Variants in NAALADL2 observed in about 807,000 individuals in gnomAD.
NAALADL2 encodes N-acetylated alpha-linked acidic dipeptidase like 2.
NAALADL2 carries 76 observed loss-of-function variants against 87.2 expected under a neutral mutation model. The observed-to-expected ratio is 0.87, with a 90% CI of 0.72 to 1.05. The LOEUF (loss-of-function observed/expected upper bound fraction) is 1.05, where lower values mean the gene tolerates loss of function less well. Among genes scored for constraint, NAALADL2 ranks in the 50% least tolerant of loss-of-function variants. NAALADL2 has a pLI of 0.00. For synonymous variants in NAALADL2, 354 were observed against 331.0 expected (o/e 1.07, Z -0.75); for missense variants, 1,089 against 945.8 (o/e 1.15, Z -1.99).
At chr3:174,811,464 A>C (rs1720198807) in intron 3 of NAALADL2, among the ~76,000 whole-genome samples, 4 of 152,166 alleles carry the variant, frequency 2.6e-5, no homozygotes, top group Admixed American at 2.6e-4. Flanking sequence ...TTTAAGACTT[A>C]ATGACTACCC....
intron 10 of NAALADL2, among the ~76,000 whole-genome samples, chr3:175,578,459 C>T (rs1719238827): frequency 6.6e-6 from 1 of 151,886 alleles, no homozygotes. Flanking sequence ...CAAAAGAAGC[C>T]CATAATATCT....
At chr3:174,555,934 A>G (rs1712740889) in intron 2 of NAALADL2, among the ~76,000 whole-genome samples, 1 of 145,174 alleles carries the variant, frequency 6.9e-6, no homozygotes, top group South Asian at 2.2e-4. Flanking sequence ...CATCGATGTT[A>G]TTTGCTTTTG....
At chr3:174,635,557 C>G (rs1368176780) in intron 2 of NAALADL2, among the ~76,000 whole-genome samples, 1 of 148,904 alleles carries the variant, frequency 6.7e-6, no homozygotes, top group Non-Finnish European at 1.5e-5. Flanking sequence ...GGCTGGAGTG[C>G]TCTGGCGCGA....
intron 13 of NAALADL2, among the ~76,000 whole-genome samples, chr3:175,799,482 G>C: frequency 6.6e-6 from 1 of 151,958 alleles, no homozygotes; most frequent in East Asian, 1.9e-4. Context: ...ATGTAAATAT[G>C]TTTGATATGT....
At chr3:175,135,030 T>G (rs1728895310) in intron 2 of NAALADL2, among the ~76,000 whole-genome samples, 1 of 152,334 alleles carries the variant, frequency 6.6e-6, no homozygotes, top group African/African-American at 2.4e-5. Flanking sequence ...TTATCGGAGA[T>G]ATAGAGTAAT....
intron 13 of NAALADL2, among the ~76,000 whole-genome samples, chr3:175,768,794 G>A (rs1412185793): frequency 6.6e-6 from 1 of 151,368 alleles, no homozygotes; most frequent in Non-Finnish European, 1.5e-5. Context: ...AGAGGTTGCA[G>A]TGAGCTGAGA....
chr3:174,888,014 T>C (rs1730393403), intron 1 of NAALADL2, among the ~76,000 whole-genome samples: 2 of 152,204 alleles, frequency 1.3e-5, no homozygotes, highest in Non-Finnish European at 2.9e-5. Flanking sequence ...TAAGGAAAGC[T>C]GATCGCTTTG....
intron 2 of NAALADL2, among the ~76,000 whole-genome samples, chr3:175,222,630 C>A (rs184633807): frequency 1.5e-4 from 23 of 152,184 alleles, no homozygotes; most frequent in African/African-American, 5.3e-4. Flanking sequence ...AGCAGTGGTT[C>A]TCAACATTTT....
intron 3 of NAALADL2, among the ~76,000 whole-genome samples, chr3:174,819,058 CTTTTTTTT>C (rs3040106): frequency 1.5e-3 from 73 of 47,544 alleles, no homozygotes; most frequent in South Asian, 4.1e-3. Context: ...ACCATTTATT[CTTTTTTTT>C]TTTTTTTTTT....
At chr3:175,110,073 A>G (rs914785408) in intron 2 of NAALADL2, among the ~76,000 whole-genome samples, 2 of 151,840 alleles carry the variant, frequency 1.3e-5, no homozygotes, top group African/African-American at 4.8e-5. Flanking sequence ...GGATTGCCTC[A>G]TCGCTTTCAG....
intron 1 of NAALADL2, among the ~76,000 whole-genome samples, chr3:175,014,611 A>G (rs1478420391): frequency 6.6e-6 from 1 of 152,164 alleles, no homozygotes; most frequent in Non-Finnish European, 1.5e-5. Context: ...TTTGGATGCT[A>G]TAATTAAATG....
chr3:175,777,423 A>C (rs2150199660), intron 13 of NAALADL2, among the ~76,000 whole-genome samples: 1 of 152,230 alleles, frequency 6.6e-6, no homozygotes, highest in African/African-American at 2.4e-5. Context: ...TATGCATTAA[A>C]ATATGCAAAA....
intron 2 of NAALADL2, among the ~76,000 whole-genome samples, chr3:174,570,292 A>C (rs1014732489): frequency 2.6e-5 from 4 of 151,728 alleles, no homozygotes; most frequent in Admixed American, 6.6e-5. Flanking sequence ...TTAGCATTAG[A>C]TTTTTATAAA....
At chr3:174,967,675 G>T (rs537358115) in intron 1 of NAALADL2, among the ~76,000 whole-genome samples, 2 of 152,150 alleles carry the variant, frequency 1.3e-5, no homozygotes, top group Non-Finnish European at 2.9e-5. Context: ...GAGAGAAAGG[G>T]GACTTGCTGA....
intron 9 of NAALADL2, among the ~76,000 whole-genome samples, chr3:175,510,501 A>C (rs562549586): frequency 1.3e-5 from 2 of 152,324 alleles, no homozygotes; most frequent in South Asian, 4.1e-4. Flanking sequence ...CCTAAAAAGA[A>C]TATTACCACC....
chr3:175,427,463 A>G (rs1717014433), intron 5 of NAALADL2, among the ~76,000 whole-genome samples: 1 of 152,172 alleles, frequency 6.6e-6, no homozygotes, highest in Non-Finnish European at 1.5e-5. Flanking sequence ...CACGTTATAT[A>G]CAGTAATAAT....
chr3:175,124,200 C>T (rs1336140015), intron 2 of NAALADL2, among the ~76,000 whole-genome samples: 1 of 151,942 alleles, frequency 6.6e-6, no homozygotes, highest in Non-Finnish European at 1.5e-5. Context: ...TCAAATTCTA[C>T]AATCTAACAT....
chr3:174,774,965 GCTGTT>G (rs1440420434), intron 3 of NAALADL2, among the ~76,000 whole-genome samples: 3 of 152,030 alleles, frequency 2.0e-5, no homozygotes, highest in African/African-American at 7.2e-5. Flanking sequence ...GAAAAGTTAG[GCTGTT>G]CTGCTTGTAC....
intron 3 of NAALADL2, among the ~76,000 whole-genome samples, chr3:175,248,319 T>C (rs140662728): frequency 6.6e-6 from 1 of 152,356 alleles, no homozygotes; most frequent in Non-Finnish European, 1.5e-5. Context: ...TGATTAGAGA[T>C]GATAATGAAT....
Sources: gnomAD v4.1 joint callset for allele counts (sites outside exome capture counted in the v4.1 genomes callset) on GRCh38, gnomAD v4.1.1 for gene constraint, MANE v1.5 for transcripts, NCBI Gene and HGNC (gene_info 2026-07-23, HGNC 2026-07-21) for gene names.